The following LRP1B variants were observed in gnomAD, a reference collection of about 807,000 sequenced individuals.
LRP1B encodes the protein LDL receptor related protein 1B.
Under a neutral mutation model 556.6 loss-of-function variants are expected in LRP1B, and 217 were observed. The observed-to-expected ratio is 0.39, with a 90% confidence interval of 0.35 to 0.44. LRP1B has a LOEUF of 0.44. Among genes scored for constraint, LRP1B ranks in the 20% least tolerant of loss-of-function variants. LRP1B has a pLI of 1.00. For synonymous variants in LRP1B, 2,047 were observed against 1,865.8 expected (o/e 1.10, Z -2.50); for missense variants, 5,053 against 5,620.8 (o/e 0.90, Z 3.23).
At chr2:140,465,079 G>T (rs1687487290) in intron 60 of LRP1B, among the ~76,000 whole-genome samples, 1 of 152,128 alleles carries the variant, frequency 6.6e-6, no homozygotes, top group African/African-American at 2.4e-5. Flanking sequence ...CAAGCAGCAT[G>T]GTGCTGGCAT....
At chr2:140,235,925 T>TTA (rs1680677852) in intron 89 of LRP1B, among the ~76,000 whole-genome samples, 2 of 150,990 alleles carry the variant, frequency 1.3e-5, no homozygotes, top group African/African-American at 2.4e-5. Flanking sequence ...AGAACTCTAT[T>TTA]ATTTGTCTTT....
At chr2:141,646,575 T>A (rs1244930819) in intron 2 of LRP1B, among the ~76,000 whole-genome samples, 1 of 152,152 alleles carries the variant, frequency 6.6e-6, no homozygotes, top group Non-Finnish European at 1.5e-5. Context: ...ATTGGGTGTA[T>A]AGCAACAACT....
chr2:141,236,413 A>G (rs1221346056), intron 5 of LRP1B, among the ~76,000 whole-genome samples: 2 of 152,166 alleles, frequency 1.3e-5, no homozygotes, highest in Admixed American at 1.3e-4. Context: ...ATGATCTCAT[A>G]GAAATAGAGA....
intron 2 of LRP1B, among the ~76,000 whole-genome samples, chr2:141,784,549 C>G (rs1386824483): frequency 2.0e-5 from 3 of 151,862 alleles, no homozygotes; most frequent in Non-Finnish European, 2.9e-5. Context: ...TTATCTTTGA[C>G]TGATCTTCAA....
intron 37 of LRP1B, among the ~76,000 whole-genome samples, chr2:140,711,832 T>C (rs1471234032): frequency 6.6e-6 from 1 of 152,134 alleles, no homozygotes; most frequent in Non-Finnish European, 1.5e-5. Flanking sequence ...CCGCATTCTA[T>C]CTTTTCTTTC....
chr2:140,347,243 A>ATGTACAGAT (rs1681729989), intron 77 of LRP1B, among the ~76,000 whole-genome samples: 1 of 151,834 alleles, frequency 6.6e-6, no homozygotes, highest in Non-Finnish European at 1.5e-5. Flanking sequence ...ATTTTGCCTT[A>ATGTACAGAT]TGTACAGATT....
intron 1 of LRP1B, among the ~76,000 whole-genome samples, chr2:142,030,462 C>G (rs1018737680): frequency 2.0e-5 from 3 of 151,602 alleles, no homozygotes; most frequent in Non-Finnish European, 2.9e-5. Context: ...ATAAATGGCC[C>G]TAGAATACTT....
chr2:141,524,709 C>T (rs1684636710), intron 2 of LRP1B, among the ~76,000 whole-genome samples: 2 of 151,724 alleles, frequency 1.3e-5, no homozygotes, highest in Non-Finnish European at 2.9e-5. Context: ...ACTTTCTATG[C>T]TATAATTTCA....
chr2:141,120,126 C>G (rs1465889639), intron 7 of LRP1B, among the ~76,000 whole-genome samples: 1 of 151,862 alleles, frequency 6.6e-6, no homozygotes, highest in Non-Finnish European at 1.5e-5. Flanking sequence ...AGACATTTAA[C>G]CCACTGACAG....
intron 18 of LRP1B, among the ~76,000 whole-genome samples, chr2:140,980,191 A>G (rs1009423686): frequency 3.3e-5 from 5 of 152,108 alleles, no homozygotes; most frequent in African/African-American, 1.2e-4. Context: ...TGTTTTCATG[A>G]CATTTCTTAT....
At chr2:140,371,892 G>A (rs1358790463) in intron 69 of LRP1B, among the ~76,000 whole-genome samples, 2 of 152,018 alleles carry the variant, frequency 1.3e-5, no homozygotes, top group Non-Finnish European at 2.9e-5. Flanking sequence ...AGAATGTGCA[G>A]TATTCCTTTA....
At chr2:140,879,569 T>A (rs1193857637) in intron 25 of LRP1B, among the ~76,000 whole-genome samples, 1 of 152,138 alleles carries the variant, frequency 6.6e-6, no homozygotes, top group Non-Finnish European at 1.5e-5. Flanking sequence ...AAGAGCTGAT[T>A]TCAATGATCA....
At chr2:140,287,075 T>C (rs138615291) in intron 84 of LRP1B, among the ~76,000 whole-genome samples, 3 of 151,998 alleles carry the variant, frequency 2.0e-5, no homozygotes, top group African/African-American at 7.2e-5. Context: ...ATTTTAATTC[T>C]GCATCTTCAC....
chr2:141,031,902 G>A (rs1305881744), intron 11 of LRP1B, among the ~76,000 whole-genome samples: 6 of 151,330 alleles, frequency 4.0e-5, no homozygotes, highest in Non-Finnish European at 8.9e-5. Flanking sequence ...TTATATTAAT[G>A]TGACTAAAAA....
At chr2:141,301,560 C>T (rs1686397211) in intron 3 of LRP1B, among the ~76,000 whole-genome samples, 1 of 152,068 alleles carries the variant, frequency 6.6e-6, no homozygotes, top group South Asian at 2.1e-4. Flanking sequence ...TATAGCATCC[C>T]TATGAGGTAC....
Position 140,716,778 on chromosome 2 carries a change from T to G in LRP1B, c.5797A>C (p.Lys1933Gln). 6.2e-7 allele frequency: 1 copy of G among 1,609,470 alleles called. No homozygotes were observed. The highest frequency in any genetic ancestry group is 8.5e-7 in the Non-Finnish European group (1 of 1,176,364). ...TIYWTDMGFN[K>Q]ISRAKRDQTW... Reference sequence around the variant, plus strand: ...TGATCTCTTTTAGCTCTGCTAATTTTATTGAAGCCCATGTCTGTCCAGTAG... The same window carrying G: ...TGATCTCTTTTAGCTCTGCTAATTTGATTGAAGCCCATGTCTGTCCAGTAG... Residue 1933 changes from lysine (K) to glutamine (Q), a missense_variant, in exon 36 of 91, where the codon AAA becomes CAA. Transcript: ENST00000389484.
rs181317831 is a variant in LRP1B, at chr2:140,762,969, C to A, written c.5758+6244G>T. On this transcript the variant is annotated intron_variant, in intron 35 of 90. Coordinates refer to ENST00000389484, the MANE Select transcript of LRP1B (RefSeq NM_018557.3). Reference sequence around the variant, plus strand: ...AACGTACCTAAGCTAAAAGAGATCTCCTCATTATCATTTAATCTGTCAGTA... The same window carrying A: ...AACGTACCTAAGCTAAAAGAGATCTACTCATTATCATTTAATCTGTCAGTA... 2.5e-4 allele frequency among the ~76,000 whole-genome samples: 38 copies of A among 152,016 alleles called. 1 individual carries two copies. The highest frequency in any genetic ancestry group is 1.2e-3 in the South Asian group (6 of 4,816).
At chr2:141,576,683 A>C (rs1686760034) in intron 2 of LRP1B, among the ~76,000 whole-genome samples, 1 of 151,570 alleles carries the variant, frequency 6.6e-6, no homozygotes, top group Middle Eastern at 3.2e-3. Flanking sequence ...GAGTGTAGGA[A>C]ATCAAGGCTG....
At chr2:141,431,783 C>T (rs139570328) in intron 3 of LRP1B, among the ~76,000 whole-genome samples, 299 of 152,076 alleles carry the variant, frequency 2.0e-3, no homozygotes, top group Non-Finnish European at 3.2e-3. Flanking sequence ...CTATTGTGTA[C>T]AGAAATATAA....
Sources: allele counts gnomAD v4.1 joint callset (sites outside exome capture counted in the v4.1 genomes callset), GRCh38; gene constraint gnomAD v4.1.1; transcripts MANE v1.5; gene names NCBI Gene and HGNC (gene_info 2026-07-23, HGNC 2026-07-21).